STK24: variants seen among roughly 807,000 people sequenced by gnomAD.
STK24 encodes the protein serine/threonine-protein kinase 24.
Under a neutral mutation model 55.6 loss-of-function variants are expected in STK24, and 21 were observed. The ratio of observed to expected loss-of-function variants is 0.38; its 90% CI spans 0.27 to 0.54. The LOEUF is 0.54. STK24 is among the 20% of genes least tolerant of loss of function. The pLI is 0.79. For missense variants in STK24, 383 were observed against 538.4 expected (o/e 0.71, Z 2.86); for synonymous variants, 200 against 215.2 (o/e 0.93, Z 0.62).
chr13:98,493,234 G>A (rs534803542), intron 2 of STK24, among the ~76,000 whole-genome samples: 2 of 152,282 alleles, frequency 1.3e-5, no homozygotes, highest in South Asian at 2.1e-4. Flanking sequence ...GCGTGTGTGC[G>A]TGTGCTCGCG....
intron 2 of STK24, among the ~76,000 whole-genome samples, chr13:98,516,561 G>A (rs1896066877): frequency 6.6e-6 from 1 of 152,184 alleles, no homozygotes; most frequent in South Asian, 2.1e-4. Flanking sequence ...TCATGTGGCT[G>A]AGTTCTGACC....
At chr13:98,461,170 T>C (rs1352190038) in intron 8 of STK24, among the ~76,000 whole-genome samples, 2 of 152,218 alleles carry the variant, frequency 1.3e-5, no homozygotes, top group Admixed American at 1.3e-4. Flanking sequence ...GTTTCTACTT[T>C]TGCAACCTCT....
At chr13:98,524,401 G>T (rs1347706404) in intron 1 of STK24, among the ~76,000 whole-genome samples, 1 of 152,152 alleles carries the variant, frequency 6.6e-6, no homozygotes, top group African/African-American at 2.4e-5. Context: ...ATGTGGAGAG[G>T]CCTGTTCTAG....
intron 1 of STK24, among the ~76,000 whole-genome samples, chr13:98,527,724 A>C (rs1323086091): frequency 6.6e-6 from 1 of 152,186 alleles, no homozygotes; most frequent in East Asian, 1.9e-4. Flanking sequence ...GGTGAGCCAC[A>C]AGGGAGGTGG....
At chr13:98,516,514 A>C (rs1477227235) in intron 2 of STK24, among the ~76,000 whole-genome samples, 3 of 152,176 alleles carry the variant, frequency 2.0e-5, no homozygotes, top group African/African-American at 7.2e-5. Flanking sequence ...CACACTATTC[A>C]ATGACATTTC....
At chr13:98,494,702 C>A (rs1312533281) in intron 2 of STK24, among the ~76,000 whole-genome samples, 1 of 152,088 alleles carries the variant, frequency 6.6e-6, no homozygotes, top group East Asian at 1.9e-4. Flanking sequence ...TTATTTTCTG[C>A]ACAATTCTAT....
At chr13:98,523,531 G>A (rs1176487205) in intron 1 of STK24, among the ~76,000 whole-genome samples, 1 of 151,966 alleles carries the variant, frequency 6.6e-6, no homozygotes, top group Admixed American at 6.5e-5. Context: ...AAGGCCCCAA[G>A]AGGACTTGCA....
chr13:98,482,138 T>C, intron 3 of STK24, 127 bp downstream of exon 3: 1 of 486,968 alleles, frequency 2.1e-6, no homozygotes, highest in Non-Finnish European at 3.7e-6. Context: ...TAAGGAATAG[T>C]TTGGTTCCTT....
At chr13:98,463,638 G>A in intron 7 of STK24, 53 bp downstream of exon 7, 3 of 1,525,442 alleles carry the variant, frequency 2.0e-6, no homozygotes, top group South Asian at 1.3e-5. Context: ...CAGTGACAAA[G>A]ACCAGCGGAT....
intron 1 of STK24, among the ~76,000 whole-genome samples, chr13:98,527,350 C>T (rs905286937): frequency 2.0e-5 from 3 of 152,176 alleles, no homozygotes; most frequent in African/African-American, 7.2e-5. Context: ...TCTAAAAAGC[C>T]CAGAGATGGA....
At chr13:98,528,645 C>G (rs540724469) in intron 1 of STK24, among the ~76,000 whole-genome samples, 184 of 152,240 alleles carry the variant, frequency 1.2e-3, no homozygotes, top group African/African-American at 4.4e-3. Context: ...TATTTTTAAA[C>G]CTGAATAGCT....
intron 1 of STK24, among the ~76,000 whole-genome samples, chr13:98,554,821 C>G (rs1007654870): frequency 5.3e-5 from 8 of 151,942 alleles, no homozygotes; most frequent in African/African-American, 1.9e-4. Context: ...TCGAGACTAG[C>G]TTGACCAACA....
At chr13:98,525,924 T>TC (rs767353403) in intron 1 of STK24, among the ~76,000 whole-genome samples, 3 of 151,996 alleles carry the variant, frequency 2.0e-5, no homozygotes, top group South Asian at 4.2e-4. Flanking sequence ...TTCCCTAAAA[T>TC]CCCCCCAAGA....
chr13:98,463,680 G>A lies in STK24; in HGVS notation c.929+11C>T, dbSNP rs1893808550. On this transcript the variant is annotated intron_variant, in intron 7 of 10. Coordinates refer to ENST00000539966, the MANE Select transcript of STK24 (RefSeq NM_001032296.4). ...CACACACATGCTTGGGTCACTCAGG[G>A]GCCGACTTACGCGTCGGAATCCTCG... 6.2e-7 allele frequency: 1 copy of A among 1,612,384 alleles called. No individual in the cohort carries two copies. Among genetic ancestry groups the A allele is most frequent in the African/African-American group, 1.3e-5 (1 of 74,864 alleles).
At chr13:98,536,467 T>C (rs964972215) in intron 1 of STK24, among the ~76,000 whole-genome samples, 6 of 151,910 alleles carry the variant, frequency 3.9e-5, no homozygotes, top group African/African-American at 1.5e-4. Flanking sequence ...TGGGTTCAAG[T>C]GATCCTCTCA....
intron 1 of STK24, among the ~76,000 whole-genome samples, chr13:98,528,722 G>A (rs988792763): frequency 1.3e-5 from 2 of 152,138 alleles, no homozygotes; most frequent in Non-Finnish European, 2.9e-5. Flanking sequence ...TCAACTTTCA[G>A]TGTTACTCAG....
intron 1 of STK24, among the ~76,000 whole-genome samples, chr13:98,534,054 T>C (rs978894037): frequency 2.6e-5 from 4 of 152,190 alleles, no homozygotes; most frequent in Non-Finnish European, 4.4e-5. Flanking sequence ...CCCCGCTTGG[T>C]CATCTCATCC....
At chr13:98,525,855 C>A (rs1160218640) in intron 1 of STK24, among the ~76,000 whole-genome samples, 1 of 152,246 alleles carries the variant, frequency 6.6e-6, no homozygotes, top group African/African-American at 2.4e-5. Context: ...TGACACATCC[C>A]ATGCAGGGTC....
In STK24 at chr13:98,446,949, C is replaced by A; in HGVS notation, c.*6224G>T. On this transcript the variant is annotated 3_prime_UTR_variant, in exon 11 of 11. Transcript: ENST00000539966. ...CCAACTAAGCGTTTAGACCTGGGGTCCCACTGCCCGACACCAGCAGGCGAT... is the reference window on the plus strand; with the variant it reads ...CCAACTAAGCGTTTAGACCTGGGGTACCACTGCCCGACACCAGCAGGCGAT... 1 of 945,244 alleles carries A rather than the reference C, an allele frequency of 1.1e-6. No homozygotes were observed. The highest frequency in any genetic ancestry group is 1.6e-6 in the Non-Finnish European group (1 of 626,078). The allele number at this position is 945,244 out of a possible 1,614,324, so 58.6% of individuals were successfully genotyped here.
Sources: gnomAD v4.1 joint callset for allele counts (sites outside exome capture counted in the v4.1 genomes callset) on GRCh38, gnomAD v4.1.1 for gene constraint, MANE v1.5 for transcripts, NCBI Gene and HGNC (gene_info 2026-07-23, HGNC 2026-07-21) for gene names.